Variants in ZC3H7B observed in about 807,000 individuals in gnomAD.
ZC3H7B encodes the protein zinc finger CCCH-type containing 7B.
A neutral mutation model predicts 116.0 loss-of-function variants in ZC3H7B; 35 were observed. The observed-to-expected ratio is 0.30, with a 90% CI of 0.23 to 0.40. ZC3H7B has a LOEUF of 0.40. Ranked by LOEUF, ZC3H7B falls within the 10% of genes least tolerant of loss-of-function variation. The pLI is 1.00. For synonymous variants in ZC3H7B, 502 were observed against 545.6 expected (o/e 0.92, Z 1.11); for missense variants, 1,011 against 1,321.5 (o/e 0.77, Z 3.64).
chr22:41,307,140 A>AT (rs1408906710), intron 1 of ZC3H7B, among the ~76,000 whole-genome samples: 12 of 150,498 alleles, frequency 8.0e-5, no homozygotes, highest in Admixed American at 3.3e-4. Context: ...CACCTGGCTA[A>AT]TTTTTTTTTG....
intron 6 of ZC3H7B, among the ~76,000 whole-genome samples, chr22:41,330,389 C>G (rs2036366387): frequency 6.6e-6 from 1 of 152,262 alleles, no homozygotes; most frequent in South Asian, 2.1e-4. Context: ...TGAGTTGACA[C>G]TGGCGTCCTT....
chr22:41,338,473 C>T lies in ZC3H7B; in HGVS notation c.625+118C>T. ...GAGGGCCTCCGAGGGGTTCCCCACC[C>T]TGGTACTCCCTGAGGCATGGGAGAA... On this transcript the variant is annotated intron_variant, in intron 8 of 22. Transcript: ENST00000352645. This position sits in a 1 kb window ranked among gnomAD's most constrained non-coding sequence, Gnocchi z 4.5. 2 of 1,029,838 alleles carry T rather than the reference C, an allele frequency of 1.9e-6. No homozygotes were observed. The highest frequency in any genetic ancestry group is 2.9e-6 in the Non-Finnish European group (2 of 686,924). 63.8% of individuals were successfully genotyped at this position (1,029,838 alleles called of 1,614,324 possible). A position where few individuals can be genotyped will look rare whatever the true frequency, so the allele number is the denominator to read the frequency against.
rs147157007 is a variant in ZC3H7B, at chr22:41,352,484, G to A, written c.2034+838G>A. On this transcript the variant is annotated intron_variant, in intron 17 of 22. Transcript: ENST00000352645. Reference sequence around the variant, plus strand: ...AATTAATAAAGGTCTTCAGAGGCCCGGCGCAGTGGCTCACCCCTGTAATCC... The same window carrying A: ...AATTAATAAAGGTCTTCAGAGGCCCAGCGCAGTGGCTCACCCCTGTAATCC... Among the ~76,000 whole-genome samples the A allele has an allele frequency of 2.8e-3, 424 of 152,284 alleles. 14 individuals are homozygous for A. In the East Asian group the frequency reaches 0.055, roughly 20 times the overall value.
rs1202930798 is a variant in ZC3H7B at position 41,356,452 on chromosome 22, G to A, written c.2493G>A (p.Met831Ile). Residue 831 changes from methionine (M) to isoleucine (I), a missense_variant, in exon 21 of 23, where the codon ATG becomes ATA. Physicochemically the swap from Met to Ile is conservative, Grantham distance 10. Transcript: ENST00000352645. ...GGGAAGGGGAGAAGCAGATCCAGAT[G>A]CCCACGGACTACGCGGACATCATGG... ...SSREGEKQIQ[M>I]PTDYADIMMG... 4 of 1,613,998 alleles carry A rather than the reference G, an allele frequency of 2.5e-6. No homozygotes were observed. The African/African-American group carries it at 5.3e-5, about 22-fold the overall frequency.
At position 41,339,209 on chromosome 22, in the gene ZC3H7B, C is replaced by A; in HGVS notation, c.816+18C>A. On this transcript the variant is annotated intron_variant, in intron 9 of 22. Coordinates refer to ENST00000352645, the MANE Select transcript of ZC3H7B (RefSeq NM_017590.6). Reference sequence around the variant, plus strand: ...ACTCGCTGGTGAGCCACACCACCCTCCTTGTGCTCCCCTGATCCCCTCTCC... The same window carrying A: ...ACTCGCTGGTGAGCCACACCACCCTACTTGTGCTCCCCTGATCCCCTCTCC... 3 of 1,591,546 alleles carry A rather than the reference C, an allele frequency of 1.9e-6. No individual in the cohort carries two copies. Among genetic ancestry groups the A allele is most frequent in the Non-Finnish European group, 2.6e-6 (3 of 1,166,628 alleles).
At position 41,350,478 on chromosome 22, in the gene ZC3H7B, T is replaced by C. The variant is rs565854832; in HGVS notation, c.1949-1083T>C. Among the ~76,000 whole-genome samples the C allele has an allele frequency of 3.3e-5, 5 of 152,112 alleles. No homozygotes were observed. In the South Asian group the frequency reaches 1.0e-3, roughly 32 times the overall value. ...AAGCCGGGAGATCAGGGAGGGTGGC[T>C]CGGGCCAGGGTGGTGATGCTGGAGG... On this transcript the variant is annotated intron_variant, in intron 16 of 22. Coordinates refer to ENST00000352645, the MANE Select transcript of ZC3H7B (RefSeq NM_017590.6).
intron 1 of ZC3H7B, among the ~76,000 whole-genome samples, chr22:41,315,064 G>A (rs901074999): frequency 6.6e-6 from 1 of 151,640 alleles, no homozygotes; most frequent in Non-Finnish European, 1.5e-5. Flanking sequence ...CCTGACACAC[G>A]CTTTCAAGAT....
intron 13 of ZC3H7B, among the ~76,000 whole-genome samples, chr22:41,343,898 G>C (rs1006147520): frequency 2.6e-5 from 4 of 152,176 alleles, no homozygotes; most frequent in Non-Finnish European, 5.9e-5. Context: ...TCTTACCACT[G>C]TAGGGCCCTG....
chr22:41,340,213 G>A, intron 10 of ZC3H7B, 76 bp downstream of exon 10: 1 of 1,424,256 alleles, frequency 7.0e-7, no homozygotes, highest in Non-Finnish European at 9.4e-7. Context: ...TGCCTGGAGA[G>A]TGGAGTTGAG....
At chr22:41,318,147 T>C (rs2036207772) in intron 1 of ZC3H7B, among the ~76,000 whole-genome samples, 1 of 152,094 alleles carries the variant, frequency 6.6e-6, no homozygotes, top group Non-Finnish European at 1.5e-5. Context: ...AAAACCTCTA[T>C]GGGCTGGGTG....
At chr22:41,356,165 C>T (rs2036714408) in intron 20 of ZC3H7B, 103 bp downstream of exon 20, 1 of 1,434,514 alleles carries the variant, frequency 7.0e-7, no homozygotes, top group Non-Finnish European at 9.4e-7. Context: ...CACCCCTTTG[C>T]TACCTGGGCC....
chr22:41,347,577 G>C (rs1353352200), intron 14 of ZC3H7B, among the ~76,000 whole-genome samples: 1 of 152,206 alleles, frequency 6.6e-6, no homozygotes, highest in African/African-American at 2.4e-5. Flanking sequence ...TGGCACGTCT[G>C]TGTCCGTAGA....
At chr22:41,356,094 C>T (rs992521778) in intron 20 of ZC3H7B, 32 bp downstream of exon 20, 16 of 1,533,448 alleles carry the variant, frequency 1.0e-5, no homozygotes, top group Non-Finnish European at 1.4e-5. Flanking sequence ...GCGGGCCCTC[C>T]CCCGGTGTCT....
chr22:41,311,012 G>T (rs191388485), intron 1 of ZC3H7B, among the ~76,000 whole-genome samples: 1 of 150,898 alleles, frequency 6.6e-6, no homozygotes, highest in East Asian at 2.0e-4. Context: ...TGATCTGCCC[G>T]CCTCGGCCTC....
Position 41,349,299 on chromosome 22 carries a change from C to T in ZC3H7B, c.1946C>T (p.Ser649Leu), listed in dbSNP as rs1209773034. ...AAGGTCTGGCTGCTGCAGCAGTACTCAGGTGAGGGGCAGGCGGTGCAGGTG... is the reference window on the plus strand; with the variant it reads ...AAGGTCTGGCTGCTGCAGCAGTACTTAGGTGAGGGGCAGGCGGTGCAGGTG... ...ELKVWLLQQY[S>L]GMTHEDIVQE... Residue 649 changes from serine to leucine, a missense_variant and splice_region_variant, in exon 16 of 23, where the codon TCA (serine) becomes TTA (leucine). By Grantham distance (145) the Ser-to-Leu change is moderately radical. Transcript: ENST00000352645. The surrounding 1 kb of genome is among the most constrained non-coding windows in gnomAD (Gnocchi z 4.9). 1 of 1,613,298 alleles carries T rather than the reference C, an allele frequency of 6.2e-7. No homozygotes were observed. The highest frequency in any genetic ancestry group is 8.5e-7 in the Non-Finnish European group (1 of 1,179,830).
intron 17 of ZC3H7B, among the ~76,000 whole-genome samples, chr22:41,352,568 G>A (rs973777150): frequency 3.9e-5 from 6 of 151,940 alleles, no homozygotes; most frequent in East Asian, 1.9e-4. Context: ...CGAGACCAGC[G>A]TGTCCAACAT....
rs965785512 is a variant in ZC3H7B at position 41,359,061 on chromosome 22, C to T, written c.*1632C>T. ...TTTCCTGATAATCGTGGCATGCGCCCTTTCCTCTTCCCTGCCCCACCCCCT... is the reference window on the plus strand; with the variant it reads ...TTTCCTGATAATCGTGGCATGCGCCTTTTCCTCTTCCCTGCCCCACCCCCT... On this transcript the variant is annotated 3_prime_UTR_variant, in exon 23 of 23. Coordinates refer to ENST00000352645, the MANE Select transcript of ZC3H7B (RefSeq NM_017590.6). 6.5e-6 allele frequency: 1 copy of T among 153,048 alleles called. No individual in the cohort carries two copies. The highest frequency in any genetic ancestry group is 1.5e-5 in the Non-Finnish European group (1 of 68,284). The allele number at this position is 153,048 out of a possible 1,614,324, so 9.5% of individuals were successfully genotyped here. A position where few individuals can be genotyped will look rare whatever the true frequency, so the allele number is the denominator to read the frequency against.
chr22:41,319,462 T>C (rs867742212), intron 1 of ZC3H7B, among the ~76,000 whole-genome samples: 1 of 149,370 alleles, frequency 6.7e-6, no homozygotes, highest in Non-Finnish European at 1.5e-5. Context: ...CCCAGCTACT[T>C]GGGAGGCTGA....
chr22:41,310,869 A>C (rs902963168), intron 1 of ZC3H7B, among the ~76,000 whole-genome samples: 1 of 151,914 alleles, frequency 6.6e-6, no homozygotes, highest in African/African-American at 2.4e-5. Flanking sequence ...GGTTCACGCC[A>C]TTCTCCTGCC....
Sources: gnomAD v4.1 joint callset for allele counts (sites outside exome capture counted in the v4.1 genomes callset) on GRCh38, gnomAD v4.1.1 for gene constraint, Gnocchi (gnomAD v3.1) non-coding constraint, MANE v1.5 for transcripts, NCBI Gene and HGNC (gene_info 2026-07-23, HGNC 2026-07-21) for gene names.